TNFAIP1: variants seen among roughly 807,000 people sequenced by gnomAD.
TNFAIP1 encodes the protein TNF alpha induced protein 1.
In TNFAIP1, 20 loss-of-function variants were observed where a neutral mutation model predicts 32.6. The observed-to-expected ratio is 0.61, with a 90% CI of 0.43 to 0.89. The LOEUF (loss-of-function observed/expected upper bound fraction) is 0.89, where lower values mean the gene tolerates loss of function less well. TNFAIP1 is among the 40% of genes least tolerant of loss of function. The probability of loss-of-function intolerance (pLI) is 0.00; values close to 1 mark genes in which losing one functional copy is unlikely to be tolerated. For synonymous variants in TNFAIP1, 166 were observed against 166.8 expected (o/e 1.00, Z 0.04); for missense variants, 319 against 425.1 (o/e 0.75, Z 2.20).
intron 6 of TNFAIP1, among the ~76,000 whole-genome samples, chr17:28,343,990 CAG>C (rs1389999583): frequency 2.6e-5 from 4 of 152,214 alleles, no homozygotes; most frequent in African/African-American, 9.6e-5. Flanking sequence ...CAGCAACTCT[CAG>C]GGGTTGAGCT....
chr17:28,344,056 G>T (rs562448729), intron 6 of TNFAIP1, among the ~76,000 whole-genome samples: 63 of 152,116 alleles, frequency 4.1e-4, no homozygotes, highest in Non-Finnish European at 7.8e-4. Context: ...TCAGCCCAAG[G>T]CTCCACAGCT....
rs1409250983 is a variant in TNFAIP1, at chr17:28,346,397, C to T, written c.*1797C>T. 1 of 152,200 alleles carries T rather than the reference C, an allele frequency of 6.6e-6. No homozygotes were observed. Among genetic ancestry groups the T allele is most frequent in the East Asian group, 1.9e-4 (1 of 5,196 alleles). The allele number at this position is 152,200 out of a possible 1,614,324, so 9.4% of individuals were successfully genotyped here. A position where few individuals can be genotyped will look rare whatever the true frequency, so the allele number is the denominator to read the frequency against. ...GACCACTGGCCTATTTTCTCAGCTG[C>T]CCTCTTGAGGTCCTTTAACACTCAA... On this transcript the variant is annotated 3_prime_UTR_variant, in exon 7 of 7. Coordinates refer to ENST00000226225, the MANE Select transcript of TNFAIP1 (RefSeq NM_021137.5).
At position 28,341,436 on chromosome 17, in the gene TNFAIP1, C is replaced by T. The variant is rs1555578162; in HGVS notation, c.498C>T (p.Asn166=). Residue 166 remains asparagine, a synonymous_variant, in exon 5 of 7, where the codon AAC becomes AAT. Coordinates refer to ENST00000226225, the MANE Select transcript of TNFAIP1 (RefSeq NM_021137.5). The part of the protein sequence containing the change: ...PVVKLLYNRS[N]NKYSYTSNSD... ...TGAAGCTGCTGTACAACAGAAGCAACAACAAGTATTCCTACACCAGGTAGG... is the reference window on the plus strand; with the variant it reads ...TGAAGCTGCTGTACAACAGAAGCAATAACAAGTATTCCTACACCAGGTAGG... 1 of 1,614,204 alleles carries T rather than the reference C, an allele frequency of 6.2e-7. No individual in the cohort carries two copies. Among genetic ancestry groups the T allele is most frequent in the Admixed American group, 1.7e-5 (1 of 60,032 alleles).
At position 28,340,264 on chromosome 17, in the gene TNFAIP1, G is replaced by A; in HGVS notation, c.206-45G>A. ...CAGGTGGCCTTTGCCTGCCTCGGAG[G>A]TACCTGGCGGCAAACTAACCCTGTA... On this transcript the variant is annotated intron_variant, in intron 2 of 6. Coordinates refer to ENST00000226225, the MANE Select transcript of TNFAIP1 (RefSeq NM_021137.5). This position sits in a 1 kb window ranked among gnomAD's most constrained non-coding sequence, Gnocchi z 4.1. 6.3e-7 allele frequency: 1 copy of A among 1,598,238 alleles called. No individual in the cohort carries two copies.
intron 3 of TNFAIP1, 93 bp from the exon 4 acceptor site, chr17:28,341,144 G>A (rs112851427): frequency 6.6e-5 from 85 of 1,294,998 alleles, no homozygotes; most frequent in African/African-American, 4.1e-4. Flanking sequence ...ACCAAGCAGC[G>A]GGTGGCCATG....
In TNFAIP1 at chr17:28,339,564, C is replaced by T. The variant is rs1223598121; in HGVS notation, c.43C>T (p.Pro15Ser). 6.2e-7 allele frequency: 1 copy of T among 1,612,684 alleles called. No individual in the cohort carries two copies. Among genetic ancestry groups the T allele is most frequent in the African/African-American group, 1.3e-5 (1 of 74,934 alleles). Residue 15 changes from proline (P) to serine (S), a missense_variant, in exon 2 of 7, where the codon CCC (proline) becomes TCC (serine). Coordinates refer to ENST00000226225, the MANE Select transcript of TNFAIP1 (RefSeq NM_021137.5). ...TCLCPASGAK[P>S]KLSGFKGGGL... ...CCTGTGCCCAGCCTCAGGGGCCAAG[C>T]CCAAGCTCAGTGGCTTCAAGGGAGG...
intron 1 of TNFAIP1, among the ~76,000 whole-genome samples, chr17:28,338,841 G>A (rs1289972742): frequency 6.6e-6 from 1 of 151,880 alleles, no homozygotes; most frequent in Non-Finnish European, 1.5e-5. Flanking sequence ...TGTCTTCCTC[G>A]CTGCCCTGAG....
At position 28,340,610 on chromosome 17, in the gene TNFAIP1, G is replaced by A; in HGVS notation, c.375+132G>A. On this transcript the variant is annotated intron_variant, in intron 3 of 6. Coordinates refer to ENST00000226225, the MANE Select transcript of TNFAIP1 (RefSeq NM_021137.5). The surrounding 1 kb of genome is among the most constrained non-coding windows in gnomAD (Gnocchi z 4.1). ...GATGAGTGCAAACCTAATGAGACAA[G>A]TGAGATGCCACCCAGGCCCACCAAC... 9.7e-7 allele frequency: 1 copy of A among 1,034,780 alleles called. No homozygotes were observed. Among genetic ancestry groups the A allele is most frequent in the South Asian group, 1.6e-5 (1 of 62,400 alleles). 64.1% of individuals were successfully genotyped at this position (1,034,780 alleles called of 1,614,324 possible).
intron 1 of TNFAIP1, among the ~76,000 whole-genome samples, 176 bp downstream of exon 1, chr17:28,336,032 AG>A (rs2142379169): frequency 6.6e-6 from 1 of 152,050 alleles, no homozygotes; most frequent in South Asian, 2.1e-4. Flanking sequence ...GGTAGTGAGG[AG>A]TGGTCCGGGC....
rs1468129054 is a variant in TNFAIP1 at position 28,346,557 on chromosome 17, GA to G, written c.*1958del. The G allele has an allele frequency of 1.3e-5, 2 of 152,174 alleles. No individual in the cohort carries two copies. The highest frequency in any genetic ancestry group is 2.9e-5 in the Non-Finnish European group (2 of 68,042). The allele number at this position is 152,174 out of a possible 1,614,324, so 9.4% of individuals were successfully genotyped here. ...TTGCCGAGAAAGCACAGTAGTCTGG[GA>G]CTGGGCATTTATCTTCTCTGACTGA... On this transcript the variant is annotated 3_prime_UTR_variant, in exon 7 of 7. Transcript: ENST00000226225.
intron 2 of TNFAIP1, 98 bp downstream of exon 2, chr17:28,339,824 A>T (rs1354107950): frequency 2.3e-6 from 3 of 1,302,846 alleles, no homozygotes; most frequent in Non-Finnish European, 2.1e-6. Context: ...TCTTCACTTT[A>T]TGTAGGGTGT....
chr17:28,339,799 TTCAG>T (rs1907302787), intron 2 of TNFAIP1, 73 bp downstream of exon 2: 1 of 1,499,192 alleles, frequency 6.7e-7, no homozygotes, highest in African/African-American at 1.4e-5. Context: ...AGATCTAGAA[TTCAG>T]TCACTTTTCC....
rs1287740518 is a variant in TNFAIP1, at chr17:28,345,765, C to G, written c.*1165C>G. 2.0e-5 allele frequency: 3 copies of G among 152,310 alleles called. No homozygotes were observed. Among genetic ancestry groups the G allele is most frequent in the African/African-American group, 7.2e-5 (3 of 41,454 alleles). The allele number at this position is 152,310 out of a possible 1,614,324, so 9.4% of individuals were successfully genotyped here. On this transcript the variant is annotated 3_prime_UTR_variant, in exon 7 of 7. Transcript: ENST00000226225. Reference sequence around the variant, plus strand: ...ATGGCGGTTCTGCCCAGTGGTGTCTCTGAGCGCGGGATGACAGGAGCAACC... The same window carrying G: ...ATGGCGGTTCTGCCCAGTGGTGTCTGTGAGCGCGGGATGACAGGAGCAACC...
chr17:28,341,224 C>T lies in TNFAIP1; in HGVS notation c.376-13C>T. On this transcript the variant is annotated splice_polypyrimidine_tract_variant and intron_variant, in intron 3 of 6. Coordinates refer to ENST00000226225, the MANE Select transcript of TNFAIP1 (RefSeq NM_021137.5). ...AAGATCCTAAAGAGGGTTCTCTGTT[C>T]TGTGTCGCACAGGACAAGAAGGACT... is the stretch of plus-strand genomic sequence containing the variant. The T allele has an allele frequency of 6.2e-7, 1 of 1,614,022 alleles. No individual in the cohort carries two copies. Among genetic ancestry groups the T allele is most frequent in the Non-Finnish European group, 8.5e-7 (1 of 1,179,882 alleles).
rs1907508467 is a variant in TNFAIP1 at position 28,345,156 on chromosome 17, C to T, written c.*556C>T. ...ACATATGACAGAACCCTTGGCCCTT[C>T]TCCATGCCTGTGGGATCTGTTTCTT... On this transcript the variant is annotated 3_prime_UTR_variant, in exon 7 of 7. Coordinates refer to ENST00000226225, the MANE Select transcript of TNFAIP1 (RefSeq NM_021137.5). The T allele has an allele frequency of 6.3e-6, 1 of 159,018 alleles. No homozygotes were observed. The highest frequency in any genetic ancestry group is 1.8e-4 in the South Asian group (1 of 5,516). 9.9% of individuals were successfully genotyped at this position (159,018 alleles called of 1,614,324 possible). A position where few individuals can be genotyped will look rare whatever the true frequency, so the allele number is the denominator to read the frequency against.
intron 1 of TNFAIP1, among the ~76,000 whole-genome samples, chr17:28,336,186 C>T (rs1307108698): frequency 1.3e-5 from 2 of 152,188 alleles, no homozygotes; most frequent in Non-Finnish European, 2.9e-5. Flanking sequence ...TTTCTGGGTC[C>T]TTCTTCCTTT....
rs140317871 is a variant in TNFAIP1, at chr17:28,339,666, C to T, written c.145C>T (p.His49Tyr). 1,336 of 1,614,112 alleles carry T rather than the reference C, an allele frequency of 8.3e-4. 13 individuals are homozygous for T. The highest frequency in any genetic ancestry group is 5.0e-4 in the Middle Eastern group (3 of 6,058). The change falls in exon 2 of 7, where the codon CAC (histidine) becomes TAC (tyrosine). Residue 49 changes from histidine to tyrosine, a missense_variant. Transcript: ENST00000226225. ...YYTTVRALTR[H>Y]DTMLKAMFSG... ...CACCACTGTGCGGGCCCTGACCCGC[C>T]ACGACACCATGCTCAAGGCCATGTT...
In TNFAIP1 at chr17:28,339,475, C is replaced by T. The variant is rs1555577793; in HGVS notation, c.-47C>T. 6.5e-7 allele frequency: 1 copy of T among 1,535,170 alleles called. No homozygotes were observed. Among genetic ancestry groups the T allele is most frequent in the Non-Finnish European group, 8.8e-7 (1 of 1,141,394 alleles). On this transcript the variant is annotated 5_prime_UTR_variant, in exon 2 of 7. Coordinates refer to ENST00000226225, the MANE Select transcript of TNFAIP1 (RefSeq NM_021137.5). Reference sequence around the variant, plus strand: ...GTGACCCTTTCCACCACGGCGGAGCCTTCCAAGCCTACCTCCTGCCGTGTG... The same window carrying T: ...GTGACCCTTTCCACCACGGCGGAGCTTTCCAAGCCTACCTCCTGCCGTGTG...
At position 28,340,406 on chromosome 17, in the gene TNFAIP1, CAAGG is replaced by C; in HGVS notation, c.306_309del (p.Lys102AsnfsTer2). The C allele has an allele frequency of 6.2e-7, 1 of 1,613,990 alleles. No individual in the cohort carries two copies. The highest frequency in any genetic ancestry group is 8.5e-7 in the Non-Finnish European group (1 of 1,179,970). On this transcript the variant is annotated frameshift_variant, in exon 3 of 7. Coordinates refer to ENST00000226225, the MANE Select transcript of TNFAIP1 (RefSeq NM_021137.5). LOFTEE classifies it high-confidence loss of function. This position sits in a 1 kb window ranked among gnomAD's most constrained non-coding sequence, Gnocchi z 4.1. Reference sequence around the variant, plus strand: ...CCCTCCCTCAGAACCGGCAAGAAATCAAGGAATTGATGGCTGAAGCAAAGTATTA... The same window carrying C: ...CCCTCCCTCAGAACCGGCAAGAAATCAATTGATGGCTGAAGCAAAGTATTA...
Sources: gnomAD v4.1 joint callset for allele counts (sites outside exome capture counted in the v4.1 genomes callset) on GRCh38, gnomAD v4.1.1 for gene constraint, Gnocchi (gnomAD v3.1) non-coding constraint, MANE v1.5 for transcripts, NCBI Gene and HGNC (gene_info 2026-07-23, HGNC 2026-07-21) for gene names.